Variants in CEL observed in about 807,000 individuals in gnomAD.
CEL encodes carboxyl ester lipase.
In CEL, 39 loss-of-function variants were observed where a neutral mutation model predicts 57.1. That is an observed-to-expected ratio of 0.68 (90% confidence interval 0.53 to 0.89). The LOEUF is 0.89. Ranked by LOEUF, CEL falls within the 40% of genes least tolerant of loss-of-function variation. The probability of loss-of-function intolerance (pLI) is 0.00; values close to 1 mark genes in which losing one functional copy is unlikely to be tolerated. For synonymous variants in CEL, 314 were observed against 396.6 expected, an observed-to-expected ratio of 0.79 and a Z score of 2.48; for missense variants, 698 against 915.0, an observed-to-expected ratio of 0.76 and a Z score of 3.06.
At position 133,065,846 on chromosome 9, in the gene CEL, CAAAAAAA is replaced by C. The variant is rs34365056; in HGVS notation, c.538+626_538+632del. Among the ~76,000 whole-genome samples the C allele has an allele frequency of 4.4e-3, 331 of 75,838 alleles. 1 individual carries two copies. The highest frequency in any genetic ancestry group is 0.019 in the Middle Eastern group (2 of 108). The allele number at this position is 75,838 out of a possible 152,430, so 49.8% of individuals were successfully genotyped here. A position where few individuals can be genotyped will look rare whatever the true frequency, so the allele number is the denominator to read the frequency against. On this transcript the variant is annotated intron_variant, in intron 4 of 10. Coordinates refer to ENST00000372080, the MANE Select transcript of CEL (RefSeq NM_001807.6). ...GGAGAACAAGAGTAAAACTCTGTCT[CAAAAAAA>C]AAAAAAAAAAAAAAAATAGCCAGGC... is the stretch of plus-strand genomic sequence containing the variant.
At chr9:133,068,618 C>A (rs1297431024) in intron 7 of CEL, 54 bp from the exon 8 acceptor site, 1 of 1,613,028 alleles carries the variant, frequency 6.2e-7, no homozygotes, top group Non-Finnish European at 8.5e-7. Context: ...AGGGGCGGCT[C>A]AGGGGAAACT....
intron 1 of CEL, 48 bp downstream of exon 1, chr9:133,062,116 A>G (rs1179462011): frequency 6.6e-7 from 1 of 1,511,156 alleles, no homozygotes; most frequent in South Asian, 1.2e-5. Flanking sequence ...TCGCTCAATC[A>G]GATCTGGAAA....
rs1201516575 is a variant in CEL at position 133,071,548 on chromosome 9, G to A, written c.2046G>A (p.Pro682=). The A allele has an allele frequency of 1.8e-4, 123 of 686,974 alleles. 2 individuals are homozygous for A. Among genetic ancestry groups the A allele is most frequent in the South Asian group, 1.1e-3 (57 of 53,628 alleles). 42.6% of individuals were successfully genotyped at this position (686,974 alleles called of 1,614,324 possible). The change falls in exon 11 of 11, where the codon CCG becomes CCA. Residue 682 remains proline (P), a synonymous_variant. Transcript: ENST00000372080. ...GTGACGCCGGGCCCCCCCCCGTGCC[G>A]CCCACGGGTGACTCCGGCGCCCCCC... ...PTGDAGPPPV[P]PTGDSGAPPV...
At chr9:133,067,299 A>G in intron 7 of CEL, 94 bp downstream of exon 7, 2 of 1,152,634 alleles carry the variant, frequency 1.7e-6, no homozygotes, top group South Asian at 1.3e-5. Flanking sequence ...GGAAGGTGCC[A>G]GAGCTGCGGT....
intron 10 of CEL, 148 bp from the exon 11 acceptor site, chr9:133,070,839 G>A (rs900146887): frequency 1.6e-5 from 20 of 1,220,962 alleles, no homozygotes; most frequent in Admixed American, 7.9e-5. Context: ...GCCCATGCAC[G>A]TGCACAGCCA....
At position 133,066,837 on chromosome 9, in the gene CEL, G is replaced by C; in HGVS notation, c.670-1G>C. 6.2e-7 allele frequency: 1 copy of C among 1,611,876 alleles called. No individual in the cohort carries two copies. Among genetic ancestry groups the C allele is most frequent in the Non-Finnish European group, 8.5e-7 (1 of 1,179,274 alleles). ...GGTGACGGGATTTCTGGGTCCCGTA[G>C]ACCCTCTCCCCCTACAACAAGGGCC... On this transcript the variant is annotated splice_acceptor_variant, in intron 5 of 10. Coordinates refer to ENST00000372080, the MANE Select transcript of CEL (RefSeq NM_001807.6). LOFTEE classifies it high-confidence loss of function. The surrounding 1 kb of genome is among the most constrained non-coding windows in gnomAD (Gnocchi z 4.3).
Position 133,066,955 on chromosome 9 carries a change from GGAGGGCAGGGC to G in CEL, c.777+11_777+21del. On this transcript the variant is annotated intron_variant, in intron 6 of 10. Coordinates refer to ENST00000372080, the MANE Select transcript of CEL (RefSeq NM_001807.6). The surrounding 1 kb of genome is among the most constrained non-coding windows in gnomAD (Gnocchi z 4.3). ...CTTCTGGGCCAAAAAGGTAAACGGA[GGAGGGCAGGGC>G]TGGGCGGGGTGGGGGCTGTCCACAT... is the stretch of plus-strand genomic sequence containing the variant. The G allele has an allele frequency of 6.2e-7, 1 of 1,604,132 alleles. No individual in the cohort carries two copies. The highest frequency in any genetic ancestry group is 8.5e-7 in the Non-Finnish European group (1 of 1,171,442).
intron 4 of CEL, 69 bp downstream of exon 4, chr9:133,065,306 A>G (rs1830161108): frequency 1.9e-6 from 3 of 1,555,162 alleles, no homozygotes; most frequent in Non-Finnish European, 2.6e-6. Flanking sequence ...GATTTTCCTC[A>G]GCACCCCTCA....
intron 4 of CEL, among the ~76,000 whole-genome samples, chr9:133,065,571 G>T (rs1312032756): frequency 2.0e-5 from 3 of 152,146 alleles, no homozygotes; most frequent in Non-Finnish European, 4.4e-5. Context: ...TGGGGACTGG[G>T]CGCGGCGGCT....
intron 3 of CEL, 106 bp from the exon 4 acceptor site, chr9:133,064,934 C>A: frequency 6.5e-7 from 1 of 1,543,624 alleles, no homozygotes; most frequent in African/African-American, 1.4e-5. Context: ...CGCCTTGGAG[C>A]ACCTCCCTGT....
At position 133,064,455 on chromosome 9, in the gene CEL, C is replaced by T. The variant is rs753405047; in HGVS notation, c.118C>T (p.Leu40Phe). 6.2e-7 allele frequency: 1 copy of T among 1,614,154 alleles called. No individual in the cohort carries two copies. Among genetic ancestry groups the T allele is most frequent in the Non-Finnish European group, 8.5e-7 (1 of 1,180,020 alleles). The change falls in exon 2 of 11, where the codon CTC (leucine) becomes TTC (phenylalanine). Residue 40 changes from leucine to phenylalanine, a missense_variant. By Grantham distance (22) the Leu-to-Phe change is conservative (BLOSUM62 0). Around this residue, in one of 6 missense-constraint regions of CEL, gnomAD observed 327 missense variants for 374.1 expected, o/e 0.87. Coordinates refer to ENST00000372080, the MANE Select transcript of CEL (RefSeq NM_001807.6). The stretch of plus-strand genomic sequence containing the variant: ...GTTCGTGGAAGGCGTCAATAAGAAG[C>T]TCGGCCTCCTGGGTGACTCTGTGGA... ...GGFVEGVNKK[L>F]GLLGDSVDIF...
chr9:133,065,263 G>T lies in CEL; in HGVS notation c.538+26G>T, dbSNP rs376468227. 13 of 1,608,968 alleles carry T rather than the reference G, an allele frequency of 8.1e-6. No homozygotes were observed. In the African/African-American group the frequency reaches 1.5e-4, roughly 18 times the overall value. ...GTGCGTGGGTGCCTTCGGCCCTGAG[G>T]TGGGGCGACCAGCATGCTGAGCCCA... On this transcript the variant is annotated intron_variant, in intron 4 of 10. Coordinates refer to ENST00000372080, the MANE Select transcript of CEL (RefSeq NM_001807.6).
In CEL at chr9:133,066,881, G is replaced by A. The variant is rs1223428566; in HGVS notation, c.713G>A (p.Ser238Asn). The change falls in exon 6 of 11, where the codon AGC becomes AAC. Residue 238 changes from serine (S) to asparagine (N), a missense_variant. By Grantham distance (46) the Ser-to-Asn change is conservative. Around this residue, in one of 6 missense-constraint regions of CEL, gnomAD observed 327 missense variants for 374.1 expected, o/e 0.87. Coordinates refer to ENST00000372080, the MANE Select transcript of CEL (RefSeq NM_001807.6). This position sits in a 1 kb window ranked among gnomAD's most constrained non-coding sequence, Gnocchi z 4.3. ...AAGGGCCTCATCCGGCGAGCCATCA[G>A]CCAGAGCGGCGTGGCCCTGAGTCCC... ...YNKGLIRRAI[S>N]QSGVALSPWV... 1 of 1,573,002 alleles carries A rather than the reference G, an allele frequency of 6.4e-7. No homozygotes were observed. Among genetic ancestry groups the A allele is most frequent in the Non-Finnish European group, 8.6e-7 (1 of 1,156,536 alleles).
At chr9:133,065,596 C>T (rs1173857273) in intron 4 of CEL, among the ~76,000 whole-genome samples, 1 of 152,054 alleles carries the variant, frequency 6.6e-6, no homozygotes, top group African/African-American at 2.4e-5. Context: ...CCTGTAATCC[C>T]AGCACGTTGG....
intron 4 of CEL, among the ~76,000 whole-genome samples, chr9:133,065,441 C>T (rs1314944030): frequency 6.6e-6 from 1 of 152,214 alleles, no homozygotes; most frequent in South Asian, 2.1e-4. Flanking sequence ...AGATGGCTCA[C>T]GCCTGTAATC....
At chr9:133,067,367 A>G (rs1830197903) in intron 7 of CEL, among the ~76,000 whole-genome samples, 162 bp downstream of exon 7, 1 of 151,436 alleles carries the variant, frequency 6.6e-6, no homozygotes, top group South Asian at 2.1e-4. Context: ...TGTAAGGGAG[A>G]GGGGGTGCCG....
At chr9:133,065,859 A>C (rs576638402) in intron 4 of CEL, among the ~76,000 whole-genome samples, 2,104 of 151,260 alleles carry the variant, frequency 0.014, 66 homozygotes, top group African/African-American at 0.049. Flanking sequence ...AAAAAAAAAA[A>C]AAAAAAAAAA....
In CEL at chr9:133,066,651, C is replaced by T. The variant is rs766886891; in HGVS notation, c.660C>T (p.Val220=). ...GGGAGTCTGCTGGAGGTGCCAGCGT[C>T]TCTCTGCAGGTCTCGGGATCCCTGT... The part of the protein sequence containing the change: ...LFGESAGGAS[V]SLQTLSPYNK... Residue 220 remains valine, a synonymous_variant, in exon 5 of 11, where the codon GTC becomes GTT. Coordinates refer to ENST00000372080, the MANE Select transcript of CEL (RefSeq NM_001807.6). This position sits in a 1 kb window ranked among gnomAD's most constrained non-coding sequence, Gnocchi z 4.3. 1 of 1,613,516 alleles carries T rather than the reference C, an allele frequency of 6.2e-7. No homozygotes were observed. Among genetic ancestry groups the T allele is most frequent in the Non-Finnish European group, 8.5e-7 (1 of 1,179,854 alleles).
Position 133,064,626 on chromosome 9 carries a change from C to T in CEL, c.218-14C>T. The T allele has an allele frequency of 1.2e-6, 2 of 1,613,814 alleles. No individual in the cohort carries two copies. The highest frequency in any genetic ancestry group is 8.5e-7 in the Non-Finnish European group (1 of 1,179,870). On this transcript the variant is annotated splice_polypyrimidine_tract_variant and intron_variant, in intron 2 of 10. Coordinates refer to ENST00000372080, the MANE Select transcript of CEL (RefSeq NM_001807.6). ...GGCGGCTGCCTTCCTCATGCCAACT[C>T]CTGCCACCTGCAGGGACCCTGAAGG...
Sources: allele counts gnomAD v4.1 joint callset (sites outside exome capture counted in the v4.1 genomes callset), GRCh38; gene constraint gnomAD v4.1.1; regional missense constraint gnomAD v4.1.1; non-coding constraint Gnocchi (gnomAD v3.1); transcripts MANE v1.5; gene names NCBI Gene and HGNC (gene_info 2026-07-23, HGNC 2026-07-21).